The following SPIDR variants were observed in gnomAD, a reference collection of about 807,000 sequenced individuals.
SPIDR encodes the protein scaffold protein involved in DNA repair, also known as DNA repair-scaffolding protein.
A neutral mutation model predicts 104.6 loss-of-function variants in SPIDR; 93 were observed. That is an observed-to-expected ratio of 0.89 (90% CI 0.75 to 1.06). SPIDR has a LOEUF of 1.06. Among genes scored for constraint, SPIDR ranks in the 50% least tolerant of loss-of-function variants. The pLI, the probability that SPIDR is intolerant of heterozygous loss-of-function variation, is 0.00. For synonymous variants in SPIDR, 431 were observed against 416.9 expected, an observed-to-expected ratio of 1.03 and a Z score of -0.41; for missense variants, 1,154 against 1,111.2, an observed-to-expected ratio of 1.04 and a Z score of -0.55.
At chr8:47,578,349 G>A (rs1261950525) in intron 8 of SPIDR, among the ~76,000 whole-genome samples, 1 of 152,098 alleles carries the variant, frequency 6.6e-6, no homozygotes, top group Non-Finnish European at 1.5e-5. Context: ...GCAGGCACCT[G>A]TAATCCCAGC....
intron 10 of SPIDR, among the ~76,000 whole-genome samples, chr8:47,615,133 G>A (rs114453964): frequency 0.022 from 3,322 of 151,674 alleles, 99 homozygotes; most frequent in East Asian, 0.088. Context: ...TGCAGTGGTG[G>A]GATTATAGCT....
intron 19 of SPIDR, 84 bp from the exon 20 acceptor site, chr8:47,735,223 C>G (rs938376932): frequency 7.3e-7 from 1 of 1,379,146 alleles, no homozygotes; most frequent in Non-Finnish European, 1.0e-6. Flanking sequence ...GGGCCTTCCA[C>G]TCTGGCTCTC....
intron 8 of SPIDR, among the ~76,000 whole-genome samples, chr8:47,465,220 CA>C (rs1204938850): frequency 6.6e-6 from 1 of 152,164 alleles, no homozygotes; most frequent in Non-Finnish European, 1.5e-5. Flanking sequence ...CTGAGGCAAG[CA>C]CTAAGTATCT....
intron 8 of SPIDR, among the ~76,000 whole-genome samples, chr8:47,587,876 A>G (rs139311456): frequency 2.6e-5 from 4 of 150,966 alleles, no homozygotes; most frequent in East Asian, 3.9e-4. Context: ...CTATGTGTCT[A>G]TCCCTTCAAT....
rs540363625 is a variant in SPIDR at position 47,662,719 on chromosome 8, C to T, written c.1545-11082C>T. On this transcript the variant is annotated intron_variant, in intron 10 of 19. Coordinates refer to ENST00000297423, the MANE Select transcript of SPIDR (RefSeq NM_001080394.4). Reference sequence around the variant, plus strand: ...TCTTTCCTCTTATCCCTGCTTTCTCCTATTGCTATGGTCTGAATGTTTGCA... The same window carrying T: ...TCTTTCCTCTTATCCCTGCTTTCTCTTATTGCTATGGTCTGAATGTTTGCA... Among the ~76,000 whole-genome samples the T allele has an allele frequency of 4.6e-5, 7 of 152,276 alleles. No individual in the cohort carries two copies. In the South Asian group the frequency reaches 1.5e-3, roughly 32 times the overall value.
intron 5 of SPIDR, among the ~76,000 whole-genome samples, chr8:47,302,692 G>A (rs188569270): frequency 2.6e-5 from 4 of 152,222 alleles, no homozygotes; most frequent in Non-Finnish European, 1.5e-5. Flanking sequence ...AGGTCTGTTG[G>A]AGTTTGGTGG....
chr8:47,399,654 G>C (rs1474051142), intron 6 of SPIDR, among the ~76,000 whole-genome samples: 1 of 152,136 alleles, frequency 6.6e-6, no homozygotes, highest in South Asian at 2.1e-4. Flanking sequence ...GTGTGGATTC[G>C]ACCCTTGGGC....
chr8:47,487,360 C>A (rs2077829683), intron 8 of SPIDR, among the ~76,000 whole-genome samples: 1 of 152,090 alleles, frequency 6.6e-6, no homozygotes, highest in Admixed American at 6.5e-5. Flanking sequence ...TAAAGCAAGT[C>A]CTTAGAGACC....
intron 7 of SPIDR, among the ~76,000 whole-genome samples, chr8:47,421,829 A>C (rs1367791906): frequency 6.6e-6 from 1 of 152,198 alleles, no homozygotes; most frequent in East Asian, 1.9e-4. Context: ...TCCTTCTAAC[A>C]GTCAGGACCC....
intron 8 of SPIDR, among the ~76,000 whole-genome samples, chr8:47,563,634 A>C (rs144305759): frequency 6.6e-6 from 1 of 152,308 alleles, no homozygotes; most frequent in East Asian, 1.9e-4. Context: ...AGTGGTTAAG[A>C]AAATAAGACT....
chr8:47,397,366 C>T (rs1433312668), intron 6 of SPIDR, among the ~76,000 whole-genome samples: 2 of 151,958 alleles, frequency 1.3e-5, no homozygotes, highest in East Asian at 1.9e-4. Flanking sequence ...CGTGGAGGTG[C>T]GCACCTGTAA....
intron 5 of SPIDR, among the ~76,000 whole-genome samples, chr8:47,301,377 A>G (rs2042061295): frequency 6.6e-6 from 1 of 152,080 alleles, no homozygotes; most frequent in Non-Finnish European, 1.5e-5. Context: ...CCGCACACTG[A>G]TGGGTCTTGA....
rs756847808 is a variant in SPIDR, at chr8:47,673,942, G to C, written c.1685+1G>C. Reference sequence around the variant, plus strand: ...TTCTACAGAAAGTCACCAGAGGAAGGTGAGAACGTGCAGGAATGGCATCCA... The same window carrying C: ...TTCTACAGAAAGTCACCAGAGGAAGCTGAGAACGTGCAGGAATGGCATCCA... On this transcript the variant is annotated splice_donor_variant, in intron 11 of 19. Transcript: ENST00000297423. LOFTEE classifies it high-confidence loss of function. 8 of 1,613,612 alleles carry C rather than the reference G, an allele frequency of 5.0e-6. No individual in the cohort carries two copies. Among genetic ancestry groups the C allele is most frequent in the Non-Finnish European group, 6.8e-6 (8 of 1,179,638 alleles).
At chr8:47,364,831 A>G (rs2056877917) in intron 5 of SPIDR, among the ~76,000 whole-genome samples, 1 of 152,110 alleles carries the variant, frequency 6.6e-6, no homozygotes, top group Non-Finnish European at 1.5e-5. Context: ...GAATCTGTAA[A>G]TCCTGTGGAG....
At chr8:47,334,468 G>A (rs1363589757) in intron 5 of SPIDR, among the ~76,000 whole-genome samples, 2 of 152,162 alleles carry the variant, frequency 1.3e-5, no homozygotes, top group Non-Finnish European at 2.9e-5. Flanking sequence ...GTAAAGGATT[G>A]TTGTGTCTTC....
intron 6 of SPIDR, among the ~76,000 whole-genome samples, 191 bp downstream of exon 6, chr8:47,396,817 G>A (rs1396200607): frequency 6.6e-6 from 1 of 152,176 alleles, no homozygotes; most frequent in Non-Finnish European, 1.5e-5. Flanking sequence ...CTTTCTTAAT[G>A]GAGATTTATT....
intron 8 of SPIDR, among the ~76,000 whole-genome samples, chr8:47,560,070 A>ACATCTTAT (rs1241345547): frequency 6.6e-6 from 1 of 152,176 alleles, no homozygotes; most frequent in Non-Finnish European, 1.5e-5. Flanking sequence ...GACAAGCCAT[A>ACATCTTAT]CATCTTATCA....
At chr8:47,566,739 A>G (rs2057905268) in intron 8 of SPIDR, among the ~76,000 whole-genome samples, 1 of 152,124 alleles carries the variant, frequency 6.6e-6, no homozygotes, top group Non-Finnish European at 1.5e-5. Context: ...TATGTGCAGG[A>G]CACAACATTA....
chr8:47,609,862 C>CT (rs1357278912), intron 10 of SPIDR, among the ~76,000 whole-genome samples: 2 of 152,028 alleles, frequency 1.3e-5, no homozygotes, highest in Non-Finnish European at 2.9e-5. Flanking sequence ...TTTTCATGCT[C>CT]TTTTTTCCTA....
Sources: gnomAD v4.1 joint callset for allele counts (sites outside exome capture counted in the v4.1 genomes callset) on GRCh38, gnomAD v4.1.1 for gene constraint, MANE v1.5 for transcripts, NCBI Gene and HGNC (gene_info 2026-07-23, HGNC 2026-07-21) for gene names.